GDPD5: variants seen among roughly 807,000 people sequenced by gnomAD.
GDPD5 encodes the protein glycerophosphodiester phosphodiesterase 2.
In GDPD5, 48 loss-of-function variants were observed where a neutral mutation model predicts 75.1. The ratio of observed to expected loss-of-function variants is 0.64; its 90% CI spans 0.51 to 0.81. GDPD5 has a LOEUF of 0.81. Ranked by LOEUF, GDPD5 falls within the 40% of genes least tolerant of loss-of-function variation. GDPD5 has a pLI of 0.00. For missense variants in GDPD5, 706 were observed against 822.6 expected (o/e 0.86, Z 1.73); for synonymous variants, 336 against 339.0 (o/e 0.99, Z 0.10).
At position 75,473,785 on chromosome 11, in the gene GDPD5, C is replaced by T. The variant is rs1400164202; in HGVS notation, c.117+3834G>A. 2.0e-5 allele frequency among the ~76,000 whole-genome samples: 3 copies of T among 152,206 alleles called. No homozygotes were observed. The East Asian group carries it at 5.8e-4, about 29-fold the overall frequency. Reference sequence around the variant, plus strand: ...CTCTTGTGCACACAGTTCCCCCTACCCTGAACACTTCCCTGGTCTGTGGAG... The same window carrying T: ...CTCTTGTGCACACAGTTCCCCCTACTCTGAACACTTCCCTGGTCTGTGGAG... On this transcript the variant is annotated intron_variant, in intron 3 of 16. Coordinates refer to ENST00000336898, the MANE Select transcript of GDPD5 (RefSeq NM_030792.8).
chr11:75,525,027 G>A (rs1565230291), intron 1 of GDPD5, among the ~76,000 whole-genome samples, 183 bp downstream of exon 1: 1 of 152,168 alleles, frequency 6.6e-6, no homozygotes, highest in African/African-American at 2.4e-5. Context: ...GCGGGGCAGG[G>A]CGCGAACCCG....
At chr11:75,457,927 G>A (rs989788979) in intron 4 of GDPD5, 141 bp from the exon 5 acceptor site, 23 of 622,858 alleles carry the variant, frequency 3.7e-5, no homozygotes, top group Non-Finnish European at 5.9e-5. Context: ...AAGGCTCAGC[G>A]TCTGCCTGAT....
intron 1 of GDPD5, among the ~76,000 whole-genome samples, chr11:75,494,630 A>C (rs1950177945): frequency 6.6e-6 from 1 of 152,308 alleles, no homozygotes; most frequent in East Asian, 1.9e-4. Flanking sequence ...TAAAAGACTA[A>C]AAGTAAAATG....
chr11:75,447,587 T>C (rs889845272), intron 9 of GDPD5, among the ~76,000 whole-genome samples: 1 of 152,206 alleles, frequency 6.6e-6, no homozygotes, highest in African/African-American at 2.4e-5. Context: ...CATTATATGC[T>C]TTTCTCCACT....
intron 3 of GDPD5, among the ~76,000 whole-genome samples, chr11:75,471,905 T>C (rs1949675207): frequency 6.6e-6 from 1 of 152,146 alleles, no homozygotes; most frequent in Non-Finnish European, 1.5e-5. Context: ...GATGTAATAA[T>C]ATCATCTCCT....
chr11:75,484,630 T>C (rs1342807976), intron 2 of GDPD5, among the ~76,000 whole-genome samples: 1 of 152,074 alleles, frequency 6.6e-6, no homozygotes, highest in East Asian at 1.9e-4. Flanking sequence ...ATGCCTGTAA[T>C]CCTAGCACTT....
At chr11:75,502,722 T>G (rs2135456847) in intron 1 of GDPD5, among the ~76,000 whole-genome samples, 1 of 152,332 alleles carries the variant, frequency 6.6e-6, no homozygotes, top group South Asian at 2.1e-4. Flanking sequence ...TGAAGCAGCT[T>G]CTGCCTCCTT....
chr11:75,438,657 T>C (rs1179061279), intron 15 of GDPD5: 2 of 152,262 alleles, frequency 1.3e-5, no homozygotes, highest in Non-Finnish European at 2.9e-5. Flanking sequence ...GAGACGTGGG[T>C]CCCTAAGCTC....
intron 3 of GDPD5, among the ~76,000 whole-genome samples, chr11:75,464,262 T>C (rs1050512102): frequency 1.3e-5 from 2 of 152,232 alleles, no homozygotes; most frequent in Non-Finnish European, 2.9e-5. Flanking sequence ...ACTCATTCTT[T>C]CTGTGACTCA....
intron 1 of GDPD5, among the ~76,000 whole-genome samples, chr11:75,522,682 G>A (rs1245788715): frequency 1.3e-5 from 2 of 151,996 alleles, no homozygotes; most frequent in Non-Finnish European, 2.9e-5. Context: ...CCATATCCAA[G>A]ACTGCTAACA....
At chr11:75,475,406 G>T (rs1048865469) in intron 3 of GDPD5, among the ~76,000 whole-genome samples, 3 of 152,178 alleles carry the variant, frequency 2.0e-5, no homozygotes, top group African/African-American at 7.2e-5. Context: ...CAGAGCTTAC[G>T]CAAGACCTCT....
intron 4 of GDPD5, among the ~76,000 whole-genome samples, chr11:75,461,654 G>A (rs1949416018): frequency 6.6e-6 from 1 of 152,220 alleles, no homozygotes; most frequent in Admixed American, 6.5e-5. Context: ...GCCCTGTTGT[G>A]TCCATCATCT....
At position 75,498,020 on chromosome 11, in the gene GDPD5, T is replaced by G. The variant is rs924843950; in HGVS notation, c.-144-7700A>C. Among the ~76,000 whole-genome samples the G allele has an allele frequency of 7.3e-5, 11 of 151,166 alleles. No individual in the cohort carries two copies. In the East Asian group the frequency reaches 2.0e-3, roughly 27 times the overall value. Reference sequence around the variant, plus strand: ...TGAGGCTCAGAGACAGGAGGTGACTTGGCCAAGGTCACACAGCAGGTGACA... The same window carrying G: ...TGAGGCTCAGAGACAGGAGGTGACTGGGCCAAGGTCACACAGCAGGTGACA... On this transcript the variant is annotated intron_variant, in intron 1 of 16. Coordinates refer to ENST00000336898, the MANE Select transcript of GDPD5 (RefSeq NM_030792.8).
chr11:75,449,792 G>C, intron 7 of GDPD5, 93 bp downstream of exon 7: 1 of 1,368,724 alleles, frequency 7.3e-7, no homozygotes, highest in South Asian at 1.2e-5. Context: ...GACCCTGGGC[G>C]CCTCCCTGCC....
At chr11:75,455,865 G>A (rs1949272988) in intron 6 of GDPD5, among the ~76,000 whole-genome samples, 1 of 152,252 alleles carries the variant, frequency 6.6e-6, no homozygotes. Context: ...CGGAATGGGT[G>A]AAGCCTGTCT....
intron 1 of GDPD5, among the ~76,000 whole-genome samples, chr11:75,507,940 C>G (rs2135474590): frequency 6.6e-6 from 1 of 152,274 alleles, no homozygotes; most frequent in East Asian, 1.9e-4. Context: ...CAACACCCAC[C>G]CCCAGCACCC....
chr11:75,463,390 T>G (rs1371671412), intron 3 of GDPD5, among the ~76,000 whole-genome samples: 1 of 152,082 alleles, frequency 6.6e-6, no homozygotes, highest in African/African-American at 2.4e-5. Context: ...AGTACAGAAG[T>G]GCCATGTTCT....
chr11:75,488,983 T>G (rs1258933727), intron 2 of GDPD5, among the ~76,000 whole-genome samples: 1 of 152,190 alleles, frequency 6.6e-6, no homozygotes, highest in South Asian at 2.1e-4. Context: ...AGAGGACCTA[T>G]GTCCCCTGCA....
Position 75,436,876 on chromosome 11 carries a change from T to C in GDPD5, c.1669+60A>G, listed in dbSNP as rs1358141239. 3.2e-6 allele frequency: 4 copies of C among 1,238,228 alleles called. No homozygotes were observed. The Admixed American group carries it at 6.9e-5, about 21-fold the overall frequency. The allele number at this position is 1,238,228 out of a possible 1,614,324, so 76.7% of individuals were successfully genotyped here. On this transcript the variant is annotated intron_variant, in intron 16 of 16. Coordinates refer to ENST00000336898, the MANE Select transcript of GDPD5 (RefSeq NM_030792.8). ...GTGTGTGCATACACATCTGTTTGCA[T>C]GTGGGGGTGCAGAAAGCTGGGCCCA... is the stretch of plus-strand genomic sequence containing the variant.
Sources: gnomAD v4.1 joint callset for allele counts (sites outside exome capture counted in the v4.1 genomes callset) on GRCh38, gnomAD v4.1.1 for gene constraint, MANE v1.5 for transcripts, NCBI Gene and HGNC (gene_info 2026-07-23, HGNC 2026-07-21) for gene names.